Variants in KLF2 observed in about 807,000 individuals in gnomAD.
KLF2 encodes Krueppel-like factor 2.
KLF2 carries 9 observed loss-of-function variants against 22.2 expected under a neutral mutation model. That is an observed-to-expected ratio of 0.40 (90% CI 0.24 to 0.71). KLF2 has a LOEUF of 0.71. KLF2 is among the 30% of genes least tolerant of loss of function. The probability of loss-of-function intolerance (pLI) is 0.35; values close to 1 mark genes in which losing one functional copy is unlikely to be tolerated. For synonymous variants in KLF2, 299 were observed against 264.2 expected, an observed-to-expected ratio of 1.13 and a Z score of -1.28; for missense variants, 481 against 542.1, an observed-to-expected ratio of 0.89 and a Z score of 1.12.
In KLF2 at chr19:16,326,038, C is replaced by A; in HGVS notation, c.892+6C>A. ...GCATCTGCGCACGCACACAGGTGGG[C>A]GGCACGCACGAGCCAGGAGCGCAGG... On this transcript the variant is annotated splice_donor_region_variant and intron_variant, in intron 2 of 2. Coordinates refer to ENST00000248071, the MANE Select transcript of KLF2 (RefSeq NM_016270.4). 2 of 1,542,104 alleles carry A rather than the reference C, an allele frequency of 1.3e-6. No individual in the cohort carries two copies. The highest frequency in any genetic ancestry group is 8.7e-7 in the Non-Finnish European group (1 of 1,144,790).
Position 16,325,422 on chromosome 19 carries a change from G to A in KLF2, c.282G>A (p.Glu94=). The change falls in exon 2 of 3, where the codon GAG becomes GAA. Residue 94 remains glutamate, a synonymous_variant. Transcript: ENST00000248071. ...CCCCCGCGGGTGGCCTGGTGTCTGAGCTGCTGCGACCCGAGCTGGATGCGC... is the reference window on the plus strand; with the variant it reads ...CCCCCGCGGGTGGCCTGGTGTCTGAACTGCTGCGACCCGAGCTGGATGCGC... ...YSAPAGGLVS[E]LLRPELDAPL... 2.1e-6 allele frequency: 3 copies of A among 1,426,712 alleles called. No homozygotes were observed. The highest frequency in any genetic ancestry group is 9.1e-7 in the Non-Finnish European group (1 of 1,100,358). 88.4% of individuals were successfully genotyped at this position (1,426,712 alleles called of 1,614,324 possible).
At position 16,324,870 on chromosome 19, in the gene KLF2, G is replaced by T; in HGVS notation, c.-54G>T. On this transcript the variant is annotated 5_prime_UTR_variant, in exon 1 of 3. Transcript: ENST00000248071. ...CCCGCGCCCCGACCAGCCCGGCCTC[G>T]GGCAGCCACTCACCGGTGTCCCCGT... is the stretch of plus-strand genomic sequence containing the variant. 6.8e-7 allele frequency: 1 copy of T among 1,461,320 alleles called. No homozygotes were observed. The highest frequency in any genetic ancestry group is 9.3e-7 in the Non-Finnish European group (1 of 1,071,852). 90.5% of individuals were successfully genotyped at this position (1,461,320 alleles called of 1,614,324 possible).
Position 16,325,758 on chromosome 19 carries a change from G to A in KLF2, c.618G>A (p.Gly206=), listed in dbSNP as rs45586037. ...GTGGCCCTGGTTTCGGCGCGCCCGG[G>A]CCCGGCCTGCATTACGCGCCGCCTG... is the stretch of plus-strand genomic sequence containing the variant. The part of the protein sequence containing the change: ...PFGGPGFGAP[G]PGLHYAPPAP... Residue 206 remains glycine, a synonymous_variant, in exon 2 of 3, where the codon GGG becomes GGA. Coordinates refer to ENST00000248071, the MANE Select transcript of KLF2 (RefSeq NM_016270.4). The A allele has an allele frequency of 0.019, 24,384 of 1,253,376 alleles. 295 individuals are homozygous for A. Among genetic ancestry groups the A allele is most frequent in the South Asian group, 0.025 (870 of 34,746 alleles). The allele number at this position is 1,253,376 out of a possible 1,614,324, so 77.6% of individuals were successfully genotyped here.
In KLF2 at chr19:16,325,907, A is replaced by G. The variant is rs1220027006; in HGVS notation, c.767A>G (p.Lys256Arg). The G allele has an allele frequency of 1.3e-6, 2 of 1,515,830 alleles. No homozygotes were observed. Among genetic ancestry groups the G allele is most frequent in the East Asian group, 2.7e-5 (1 of 37,274 alleles). 93.9% of individuals were successfully genotyped at this position (1,515,830 alleles called of 1,614,324 possible). ...TCCCCGCTGGAGCTGCTGGAGGCCA[A>G]GCCAAAGCGCGGCCGCCGCTCTTGG... ...PASPLELLEA[K>R]PKRGRRSWPR... The change falls in exon 2 of 3, where the codon AAG (lysine) becomes AGG (arginine). Residue 256 changes from lysine to arginine, a missense_variant. Physicochemically the swap from Lys to Arg is conservative, Grantham distance 26. Around this residue, in one of 2 missense-constraint regions of KLF2, gnomAD observed 421 missense variants for 435.1 expected, o/e 0.97. Transcript: ENST00000248071.
At position 16,325,892 on chromosome 19, in the gene KLF2, A is replaced by C. The variant is rs2091888352; in HGVS notation, c.752A>C (p.Glu251Ala). 1 of 1,492,948 alleles carries C rather than the reference A, an allele frequency of 6.7e-7. No individual in the cohort carries two copies. Among genetic ancestry groups the C allele is most frequent in the South Asian group, 1.3e-5 (1 of 79,786 alleles). 92.5% of individuals were successfully genotyped at this position (1,492,948 alleles called of 1,614,324 possible). Residue 251 changes from glutamate (E) to alanine (A), a missense_variant, in exon 2 of 3, where the codon GAG (glutamate) becomes GCG (alanine). Physicochemically the swap from Glu to Ala is moderately radical, Grantham distance 107. Coordinates refer to ENST00000248071, the MANE Select transcript of KLF2 (RefSeq NM_016270.4). ...GLLTPPASPL[E>A]LLEAKPKRGR... is the part of the protein sequence containing the mutation. ...CTCACGCCGCCTGCGTCCCCGCTGG[A>C]GCTGCTGGAGGCCAAGCCAAAGCGC...
rs1321102606 is a variant in KLF2, at chr19:16,325,002, A to AGGGCGGCGGGGACGGCG, written c.75+12_75+28dup. 1.3e-6 allele frequency: 2 copies of AGGGCGGCGGGGACGGCG among 1,580,316 alleles called. No individual in the cohort carries two copies. Among genetic ancestry groups the AGGGCGGCGGGGACGGCG allele is most frequent in the Non-Finnish European group, 1.7e-6 (2 of 1,164,824 alleles). ...CCGCGAGCGCGGCCTGCAGGAGGTGAGGGCGGCGGGGACGGCGGGGCGGCC... is the reference window on the plus strand; with the variant it reads ...CCGCGAGCGCGGCCTGCAGGAGGTGAGGGCGGCGGGGACGGCGGGGCGGCGGGGACGGCGGGGCGGCC... On this transcript the variant is annotated splice_donor_region_variant and intron_variant, in intron 1 of 2. Coordinates refer to ENST00000248071, the MANE Select transcript of KLF2 (RefSeq NM_016270.4).
At chr19:16,326,121 G>A (rs1568375541) in intron 2 of KLF2, 89 bp downstream of exon 2, 5 of 1,311,214 alleles carry the variant, frequency 3.8e-6, no homozygotes, top group Non-Finnish European at 5.2e-6. Flanking sequence ...ATGAATTTAG[G>A]ACCTCCCTTG....
In KLF2 at chr19:16,327,513, GTT is replaced by G; in HGVS notation, c.*485_*486del. On this transcript the variant is annotated 3_prime_UTR_variant, in exon 3 of 3. Coordinates refer to ENST00000248071, the MANE Select transcript of KLF2 (RefSeq NM_016270.4). ...GGTTGGTTTTTTTTTTAATTAAAAA[GTT>G]TTGCATCTTTTAAAAAAAATCACAG... is the stretch of plus-strand genomic sequence containing the variant. The G allele has an allele frequency of 6.6e-6, 1 of 152,618 alleles. No homozygotes were observed. Among genetic ancestry groups the G allele is most frequent in the African/African-American group, 2.4e-5 (1 of 41,428 alleles). 9.5% of individuals were successfully genotyped at this position (152,618 alleles called of 1,614,324 possible).
In KLF2 at chr19:16,325,565, G is replaced by A. The variant is rs3745319; in HGVS notation, c.425G>A (p.Arg142His). 1,021 of 1,174,586 alleles carry A rather than the reference G, an allele frequency of 8.7e-4. 6 individuals are homozygous for A. The East Asian group carries it at 0.02, about 23-fold the overall frequency. The allele number at this position is 1,174,586 out of a possible 1,614,324, so 72.8% of individuals were successfully genotyped here. The stretch of plus-strand genomic sequence containing the variant: ...TACGGCTGCGCCCCCGGGCTGACCC[G>A]TGGACCGCGCGGCCTCAAGCGCGAG... ...GGYGCAPGLT[R>H]GPRGLKREGA... The change falls in exon 2 of 3, where the codon CGT becomes CAT. Residue 142 changes from arginine to histidine, a missense_variant. By Grantham distance (29) the Arg-to-His change is conservative. Around this residue, in one of 2 missense-constraint regions of KLF2, gnomAD observed 421 missense variants for 435.1 expected, o/e 0.97. Transcript: ENST00000248071.
chr19:16,324,857 CCAGCCCGGCCTCGGG>C lies in KLF2; in HGVS notation c.-61_-47del. On this transcript the variant is annotated 5_prime_UTR_variant, in exon 1 of 3. Coordinates refer to ENST00000248071, the MANE Select transcript of KLF2 (RefSeq NM_016270.4). ...CCGTCCCCGCCCGCCCGCGCCCCGA[CCAGCCCGGCCTCGGG>C]CAGCCACTCACCGGTGTCCCCGTCC... The C allele has an allele frequency of 1.4e-6, 2 of 1,387,820 alleles. No individual in the cohort carries two copies. Among genetic ancestry groups the C allele is most frequent in the Non-Finnish European group, 2.0e-6 (2 of 1,013,926 alleles). 86.0% of individuals were successfully genotyped at this position (1,387,820 alleles called of 1,614,324 possible). A position where few individuals can be genotyped will look rare whatever the true frequency, so the allele number is the denominator to read the frequency against.
intron 1 of KLF2, 49 bp from the exon 2 acceptor site, chr19:16,325,167 C>G: frequency 7.2e-7 from 1 of 1,391,368 alleles, no homozygotes; most frequent in Non-Finnish European, 9.5e-7. Context: ...GCAAGCAGCG[C>G]CCCCCGAGCC....
In KLF2 at chr19:16,325,010, G is replaced by A. The variant is rs760212709; in HGVS notation, c.75+12G>A. 1.9e-5 allele frequency: 30 copies of A among 1,568,156 alleles called. No homozygotes were observed. The East Asian group carries it at 5.5e-4, about 29-fold the overall frequency. ...GCGGCCTGCAGGAGGTGAGGGCGGC[G>A]GGGACGGCGGGGCGGCCGGGACCGT... On this transcript the variant is annotated intron_variant, in intron 1 of 2. Transcript: ENST00000248071.
Position 16,325,972 on chromosome 19 carries a change from G to A in KLF2, c.832G>A (p.Gly278Ser), listed in dbSNP as rs1209491614. ...RTATHTCSYA[G>S]CGKTYTKSSH... is the part of the protein sequence containing the mutation. The stretch of plus-strand genomic sequence containing the variant: ...CGCCACTCACACCTGCAGCTACGCG[G>A]GCTGCGGCAAGACCTACACCAAGAG... The change falls in exon 2 of 3, where the codon GGC becomes AGC. Residue 278 changes from glycine (G) to serine (S), a missense_variant. Coordinates refer to ENST00000248071, the MANE Select transcript of KLF2 (RefSeq NM_016270.4). The A allele has an allele frequency of 6.5e-7, 1 of 1,550,378 alleles. No individual in the cohort carries two copies. The highest frequency in any genetic ancestry group is 1.2e-5 in the South Asian group (1 of 84,486).
In KLF2 at chr19:16,324,846, C is replaced by T; in HGVS notation, c.-78C>T. On this transcript the variant is annotated 5_prime_UTR_variant, in exon 1 of 3. Coordinates refer to ENST00000248071, the MANE Select transcript of KLF2 (RefSeq NM_016270.4). ...GGCCCACAGAGCCGTCCCCGCCCGC[C>T]CGCGCCCCGACCAGCCCGGCCTCGG... 2 of 1,286,736 alleles carry T rather than the reference C, an allele frequency of 1.6e-6. No homozygotes were observed. Among genetic ancestry groups the T allele is most frequent in the East Asian group, 3.0e-5 (1 of 33,394 alleles). 79.7% of individuals were successfully genotyped at this position (1,286,736 alleles called of 1,614,324 possible).
chr19:16,326,275 T>G (rs1599497786), intron 2 of KLF2, among the ~76,000 whole-genome samples: 1 of 127,582 alleles, frequency 7.8e-6, no homozygotes. Context: ...CTTGCACGCT[T>G]AGGACGAGGG....
rs1232049891 is a variant in KLF2, at chr19:16,325,549, GC to G, written c.414del (p.Leu140Ter). The G allele has an allele frequency of 3.2e-6, 4 of 1,240,642 alleles. No homozygotes were observed. The highest frequency in any genetic ancestry group is 2.6e-5 in the South Asian group (1 of 38,046). The allele number at this position is 1,240,642 out of a possible 1,614,324, so 76.9% of individuals were successfully genotyped here. ...EADGGGGYGC[A>X]PGLTRGPRGL... Reference sequence around the variant, plus strand: ...GGACGGCGGCGGCGGCTACGGCTGCGCCCCCGGGCTGACCCGTGGACCGCGC... The same window carrying G: ...GGACGGCGGCGGCGGCTACGGCTGCGCCCCGGGCTGACCCGTGGACCGCGC... On this transcript the variant is annotated frameshift_variant, in exon 2 of 3. Coordinates refer to ENST00000248071, the MANE Select transcript of KLF2 (RefSeq NM_016270.4). LOFTEE classifies it high-confidence loss of function.
At position 16,325,402 on chromosome 19, in the gene KLF2, G is replaced by A; in HGVS notation, c.262G>A (p.Ala88Thr). ...PGAPPPYSAP[A>T]GGLVSELLRP... ...CGCGCCCCCGCCCTACAGCGCCCCCGCGGGTGGCCTGGTGTCTGAGCTGCT... is the reference window on the plus strand; with the variant it reads ...CGCGCCCCCGCCCTACAGCGCCCCCACGGGTGGCCTGGTGTCTGAGCTGCT... The change falls in exon 2 of 3, where the codon GCG (alanine) becomes ACG (threonine). Residue 88 changes from alanine to threonine, a missense_variant. Transcript: ENST00000248071. The A allele has an allele frequency of 1.4e-6, 2 of 1,424,342 alleles. No homozygotes were observed. Among genetic ancestry groups the A allele is most frequent in the South Asian group, 2.9e-5 (2 of 68,096 alleles). The allele number at this position is 1,424,342 out of a possible 1,614,324, so 88.2% of individuals were successfully genotyped here. A position where few individuals can be genotyped will look rare whatever the true frequency, so the allele number is the denominator to read the frequency against.
In KLF2 at chr19:16,325,637, GC is replaced by G. The variant is rs1568375323; in HGVS notation, c.503del (p.Pro168ArgfsTer122). 9 of 1,069,228 alleles carry G rather than the reference GC, an allele frequency of 8.4e-6. No homozygotes were observed. Among genetic ancestry groups the G allele is most frequent in the Non-Finnish European group, 7.9e-6 (7 of 888,346 alleles). 66.2% of individuals were successfully genotyped at this position (1,069,228 alleles called of 1,614,324 possible). ...TCGTGCATGCGAGGTCCCGGGGGCC[GC>G]CCCCCGCCGCCGCCCGACACACCGC... ...AASCMRGPGGRPPPPPDTPPL... is the reference protein window; with the variant it reads ...AASCMRGPGGXPPPPPDTPPL... On this transcript the variant is annotated frameshift_variant, in exon 2 of 3. Coordinates refer to ENST00000248071, the MANE Select transcript of KLF2 (RefSeq NM_016270.4). LOFTEE classifies it high-confidence loss of function.
Position 16,325,510 on chromosome 19 carries a change from G to A in KLF2, c.370G>A (p.Glu124Lys), listed in dbSNP as rs2091886418. 7.5e-7 allele frequency: 1 copy of A among 1,325,634 alleles called. No individual in the cohort carries two copies. The highest frequency in any genetic ancestry group is 9.6e-7 in the Non-Finnish European group (1 of 1,042,692). The allele number at this position is 1,325,634 out of a possible 1,614,324, so 82.1% of individuals were successfully genotyped here. A position where few individuals can be genotyped will look rare whatever the true frequency, so the allele number is the denominator to read the frequency against. The change falls in exon 2 of 3, where the codon GAG (glutamate) becomes AAG (lysine). Residue 124 changes from glutamate (E) to lysine (K), a missense_variant. Around this residue, in one of 2 missense-constraint regions of KLF2, gnomAD observed 421 missense variants for 435.1 expected, o/e 0.97. Transcript: ENST00000248071. ...GCCGCCCGGCCGCCTGGTCAAGGCC[G>A]AGCCCCCTGAAGCGGACGGCGGCGG... ...LAPPGRLVKA[E>K]PPEADGGGGY...
Sources: gnomAD v4.1 joint callset for allele counts (sites outside exome capture counted in the v4.1 genomes callset) on GRCh38, gnomAD v4.1.1 for gene constraint, gnomAD v4.1.1 regional missense constraint, MANE v1.5 for transcripts, NCBI Gene and HGNC (gene_info 2026-07-23, HGNC 2026-07-21) for gene names.